ESF1: variants seen among roughly 807,000 people sequenced by gnomAD.
ESF1 encodes ESF1 nucleolar pre-rRNA processing protein.
ESF1 carries 58 observed loss-of-function variants against 92.0 expected under a neutral mutation model. The observed-to-expected ratio is 0.63, with a 90% CI of 0.51 to 0.78. The LOEUF (loss-of-function observed/expected upper bound fraction) is 0.78. ESF1 is among the 30% of genes least tolerant of loss of function. The pLI, the probability that ESF1 is intolerant of heterozygous loss-of-function variation, is 0.00. For synonymous variants in ESF1, 321 were observed against 313.7 expected (o/e 1.02, Z -0.24); for missense variants, 922 against 989.1 (o/e 0.93, Z 0.91).
At chr20:13,726,543 T>C (rs1386897433) in intron 11 of ESF1, among the ~76,000 whole-genome samples, 1 of 152,176 alleles carries the variant, frequency 6.6e-6, no homozygotes, top group South Asian at 2.1e-4. Flanking sequence ...CAATGTAAAC[T>C]CCCATATCTC....
At chr20:13,722,661 G>A (rs1055823159) in intron 11 of ESF1, among the ~76,000 whole-genome samples, 13 of 151,544 alleles carry the variant, frequency 8.6e-5, no homozygotes, top group African/African-American at 3.2e-4. Context: ...ACCAGCCTGA[G>A]CAACAAAGCA....
chr20:13,739,440 T>C (rs925851157), intron 9 of ESF1, among the ~76,000 whole-genome samples: 3 of 152,230 alleles, frequency 2.0e-5, no homozygotes, highest in African/African-American at 7.2e-5. Context: ...TATTGTTTCC[T>C]GTATTTGCCT....
chr20:13,763,996 G>A (rs1979319509), intron 8 of ESF1, among the ~76,000 whole-genome samples: 1 of 152,062 alleles, frequency 6.6e-6, no homozygotes, highest in African/African-American at 2.4e-5. Context: ...ACAATGATAG[G>A]CCAATCATGG....
chr20:13,739,850 C>G (rs2049999776), intron 9 of ESF1, among the ~76,000 whole-genome samples: 1 of 151,826 alleles, frequency 6.6e-6, no homozygotes, highest in African/African-American at 2.4e-5. Flanking sequence ...GGTTGCTGGC[C>G]AAGAAGCCAG....
rs764064007 is a variant in ESF1, at chr20:13,776,194, A to G, written c.714T>C (p.Ala238=). The change falls in exon 3 of 14, where the codon GCT becomes GCC. Residue 238 remains alanine, a synonymous_variant. Transcript: ENST00000617257. ...STDGEMCDKD[A]LEEDSESVSE... ...TAACGCTTTCTGAATCTTCCTCCAG[A>G]GCATCTTTGTCACACATTTCACCAT... The G allele has an allele frequency of 1.2e-6, 2 of 1,613,728 alleles. No homozygotes were observed. Among genetic ancestry groups the G allele is most frequent in the South Asian group, 1.1e-5 (1 of 91,066 alleles).
At chr20:13,740,266 C>A (rs2050003247) in intron 9 of ESF1, among the ~76,000 whole-genome samples, 1 of 152,008 alleles carries the variant, frequency 6.6e-6, no homozygotes, top group Admixed American at 6.6e-5. Context: ...TCAAACTTCA[C>A]AGAAACAAAC....
intron 8 of ESF1, among the ~76,000 whole-genome samples, chr20:13,766,098 TAC>T (rs1160592217): frequency 1.3e-5 from 2 of 152,208 alleles, no homozygotes; most frequent in Non-Finnish European, 2.9e-5. Flanking sequence ...CAGAATGCAG[TAC>T]AGAGACAACA....
chr20:13,775,083 A>C (rs1600294541), intron 4 of ESF1, 74 bp downstream of exon 4: 2 of 7,250 alleles, frequency 2.8e-4, no homozygotes, highest in Non-Finnish European at 1.0e-3. Context: ...AACTATGGCC[A>C]AAAAAAAAAA....
Position 13,766,921 on chromosome 20 carries a change from C to A in ESF1, c.1522G>T (p.Glu508Ter). 1 of 1,603,176 alleles carries A rather than the reference C, an allele frequency of 6.2e-7. No homozygotes were observed. The stretch of plus-strand genomic sequence containing the variant: ...TGATCAGTCTCATCCCAAGTGATTT[C>A]CACCTTTCACCAACAAATAAGAAAA... Reference protein sequence around the residue: ...TSAAMGTSTVEITWDETDHER... With the variant: ...TSAAMGTSTV The change falls in exon 8 of 14, where the codon GAA (glutamate) becomes TAA (stop). Residue 508 changes from glutamate to a stop codon, truncating the protein, a stop_gained. Transcript: ENST00000617257. LOFTEE classifies it high-confidence loss of function.
At chr20:13,769,125 A>G (rs1979566020) in intron 7 of ESF1, among the ~76,000 whole-genome samples, 1 of 152,164 alleles carries the variant, frequency 6.6e-6, no homozygotes. Flanking sequence ...GCTGGGAGGT[A>G]ATTCATTATC....
At chr20:13,755,417 T>TAATTTATATA (rs1978847994) in intron 9 of ESF1, among the ~76,000 whole-genome samples, 2 of 152,206 alleles carry the variant, frequency 1.3e-5, no homozygotes, top group African/African-American at 4.8e-5. Context: ...GGACTATTAA[T>TAATTTATATA]ACAGGGGAAG....
At chr20:13,758,398 A>T (rs1978996972) in intron 9 of ESF1, among the ~76,000 whole-genome samples, 1 of 152,218 alleles carries the variant, frequency 6.6e-6, no homozygotes, top group Admixed American at 6.5e-5. Context: ...AACATTTAAA[A>T]CAAATGGGTT....
chr20:13,736,702 C>T (rs1280132254), intron 9 of ESF1, among the ~76,000 whole-genome samples: 4 of 152,088 alleles, frequency 2.6e-5, no homozygotes, highest in Non-Finnish European at 5.9e-5. Flanking sequence ...GGCCTTGATC[C>T]TCAAGTGGTT....
chr20:13,781,289 A>C (rs1980175822), intron 2 of ESF1, among the ~76,000 whole-genome samples: 1 of 152,208 alleles, frequency 6.6e-6, no homozygotes, highest in Non-Finnish European at 1.5e-5. Flanking sequence ...ATTAGTATGA[A>C]ATGAGTAGAA....
rs183958244 is a variant in ESF1, at chr20:13,716,035, T to C, written c.2263-868A>G. Among the ~76,000 whole-genome samples the C allele has an allele frequency of 5.3e-5, 8 of 152,340 alleles. No individual in the cohort carries two copies. In the East Asian group the frequency reaches 1.5e-3, roughly 29 times the overall value. On this transcript the variant is annotated intron_variant, in intron 13 of 13. Transcript: ENST00000617257. Reference sequence around the variant, plus strand: ...TAAAAACCTAACTGGAATGGGAGCATATGTGAAACTGACTCAAACAACAGA... The same window carrying C: ...TAAAAACCTAACTGGAATGGGAGCACATGTGAAACTGACTCAAACAACAGA...
intron 11 of ESF1, among the ~76,000 whole-genome samples, chr20:13,723,177 G>T (rs562534242): frequency 1.3e-5 from 2 of 152,260 alleles, no homozygotes; most frequent in African/African-American, 4.8e-5. Context: ...TCATATGAGA[G>T]AAGCTAAGAA....
intron 7 of ESF1, among the ~76,000 whole-genome samples, chr20:13,769,335 A>G (rs1001403602): frequency 2.6e-5 from 4 of 152,224 alleles, no homozygotes; most frequent in African/African-American, 9.6e-5. Flanking sequence ...GAGAGACAGA[A>G]GAGTGTACAG....
chr20:13,748,225 T>C (rs1394058179), intron 9 of ESF1, among the ~76,000 whole-genome samples: 1 of 152,124 alleles, frequency 6.6e-6, no homozygotes, highest in East Asian at 1.9e-4. Context: ...ACAGTTCTTC[T>C]GTCTCCTAGT....
chr20:13,750,631 C>T (rs539833492), intron 9 of ESF1, among the ~76,000 whole-genome samples: 30 of 152,282 alleles, frequency 2.0e-4, no homozygotes, highest in African/African-American at 6.7e-4. Context: ...TATTTCTGAG[C>T]TTTCAAAAGC....
Sources: allele counts gnomAD v4.1 joint callset (sites outside exome capture counted in the v4.1 genomes callset), GRCh38; gene constraint gnomAD v4.1.1; transcripts MANE v1.5; gene names NCBI Gene and HGNC (gene_info 2026-07-23, HGNC 2026-07-21).